MARK2: variants seen among roughly 807,000 people sequenced by gnomAD.
The protein encoded by MARK2 is serine/threonine-protein kinase MARK2.
A neutral mutation model predicts 89.8 loss-of-function variants in MARK2; 16 were observed. The ratio of observed to expected loss-of-function variants is 0.18; its 90% CI spans 0.12 to 0.27. The LOEUF (loss-of-function observed/expected upper bound fraction) is 0.27. Among genes scored for constraint, MARK2 ranks in the 10% least tolerant of loss-of-function variants. The pLI is 1.00. For missense variants in MARK2, 621 were observed against 1,049.9 expected (o/e 0.59, Z 5.65); for synonymous variants, 382 against 399.5 (o/e 0.96, Z 0.52).
chr11:63,865,316 G>T (rs1938068424), intron 1 of MARK2, among the ~76,000 whole-genome samples: 1 of 150,026 alleles, frequency 6.7e-6, no homozygotes, highest in Admixed American at 6.6e-5. Flanking sequence ...TCAGCTCACT[G>T]CAGCCTCGGC....
chr11:63,900,824 T>A lies in MARK2; in HGVS notation c.933T>A (p.Asp311Glu). The A allele has an allele frequency of 6.2e-7, 1 of 1,614,146 alleles. No individual in the cohort carries two copies. Among genetic ancestry groups the A allele is most frequent in the Non-Finnish European group, 8.5e-7 (1 of 1,180,022 alleles). The change falls in exon 10 of 19, where the codon GAT becomes GAA. Residue 311 changes from aspartate (D) to glutamate (E), a missense_variant. Physicochemically the swap from Asp to Glu is conservative, Grantham distance 45 (BLOSUM62 2). Coordinates refer to ENST00000402010, the MANE Select transcript of MARK2 (RefSeq NM_001039469.3). This position sits in a 1 kb window ranked among gnomAD's most constrained non-coding sequence, Gnocchi z 4.7. ...GGATGAATGTGGGTCACGAAGATGA[T>A]GAACTAAAGCCTTACGTGGAGCCAC... Reference protein sequence around the residue: ...DRWMNVGHEDDELKPYVEPLP... With the variant: ...DRWMNVGHEDEELKPYVEPLP...
chr11:63,890,965 C>T (rs1565128209), intron 1 of MARK2, among the ~76,000 whole-genome samples: 1 of 152,154 alleles, frequency 6.6e-6, no homozygotes, highest in Non-Finnish European at 1.5e-5. Context: ...GTATTGGCCA[C>T]TGGTCGTTTT....
intron 1 of MARK2, among the ~76,000 whole-genome samples, chr11:63,891,582 C>T (rs1939861952): frequency 6.6e-6 from 1 of 152,240 alleles, no homozygotes; most frequent in Admixed American, 6.5e-5. Flanking sequence ...TGCTAAATCC[C>T]TGGTCTGGAT....
intron 1 of MARK2, among the ~76,000 whole-genome samples, chr11:63,885,747 T>G (rs564227911): frequency 6.6e-6 from 1 of 151,454 alleles, no homozygotes; most frequent in African/African-American, 2.4e-5. Flanking sequence ...GGCAGGAGAA[T>G]CACTGGAACA....
At position 63,902,615 on chromosome 11, in the gene MARK2, A is replaced by T; in HGVS notation, c.1249A>T (p.Ile417Phe). The T allele has an allele frequency of 6.2e-7, 1 of 1,613,886 alleles. No homozygotes were observed. Among genetic ancestry groups the T allele is most frequent in the Non-Finnish European group, 8.5e-7 (1 of 1,179,862 alleles). ...RFSDQAAGPA[I>F]PTSNSYSKKT... ...CTCTGGCCCAGCAGCTGGTCCTGCC[A>T]TTCCCACCTCTAATTCTTACTCTAA... The change falls in exon 13 of 19, where the codon ATT (isoleucine) becomes TTT (phenylalanine). Residue 417 changes from isoleucine (I) to phenylalanine (F), a missense_variant. Physicochemically the swap from Ile to Phe is conservative, Grantham distance 21. Transcript: ENST00000402010. This position sits in a 1 kb window ranked among gnomAD's most constrained non-coding sequence, Gnocchi z 4.2.
chr11:63,875,924 C>G (rs1938724964), intron 1 of MARK2, among the ~76,000 whole-genome samples: 1 of 152,230 alleles, frequency 6.6e-6, no homozygotes, highest in Non-Finnish European at 1.5e-5. Context: ...CGCCCAGCTT[C>G]AGTAAGCACT....
rs932045060 is a variant in MARK2 at position 63,910,732 on chromosome 11, A to G, written c.*1495A>G. 3 of 149,424 alleles carry G rather than the reference A, an allele frequency of 2.0e-5. No homozygotes were observed. Among genetic ancestry groups the G allele is most frequent in the Non-Finnish European group, 4.4e-5 (3 of 67,678 alleles). The allele number at this position is 149,424 out of a possible 1,614,324, so 9.3% of individuals were successfully genotyped here. On this transcript the variant is annotated 3_prime_UTR_variant, in exon 19 of 19. Transcript: ENST00000402010. ...CAGGCCAGGCTCAGCGATTAAGCCG[A>G]GCCCTTGCGTCCTAGGAAGGGGCCT...
chr11:63,847,908 TG>T (rs1460890491), intron 1 of MARK2, among the ~76,000 whole-genome samples: 2 of 152,248 alleles, frequency 1.3e-5, no homozygotes, highest in African/African-American at 2.4e-5. Context: ...TGCTATGATC[TG>T]GCTGCTAAAT....
At position 63,839,241 on chromosome 11, in the gene MARK2, G is replaced by C. The variant is rs2015878488; in HGVS notation, c.-266G>C. 4.1e-6 allele frequency: 1 copy of C among 242,918 alleles called. No individual in the cohort carries two copies. Among genetic ancestry groups the C allele is most frequent in the African/African-American group, 2.3e-5 (1 of 43,632 alleles). The allele number at this position is 242,918 out of a possible 1,614,324, so 15.0% of individuals were successfully genotyped here. A position where few individuals can be genotyped will look rare whatever the true frequency, so the allele number is the denominator to read the frequency against. On this transcript the variant is annotated 5_prime_UTR_variant, in exon 1 of 19. Transcript: ENST00000402010. ...CGGCTGCGGCGGCAGAGAGTAGGCG[G>C]AGCGGCGCGGCCCGGCCGAAAGGCG...
rs372403951 is a variant in MARK2, at chr11:63,904,832, A to G, written c.1723A>G (p.Ile575Val). The G allele has an allele frequency of 1.9e-6, 3 of 1,613,838 alleles. No homozygotes were observed. Among genetic ancestry groups the G allele is most frequent in the Non-Finnish European group, 2.5e-6 (3 of 1,179,964 alleles). ...TGTTGCCTCCCCATCCGCCCACAAC[A>G]TCAGCAGCAGTGGTGGAGCCCCAGA... ...VPVASPSAHN[I>V]SSSGGAPDRT... Residue 575 changes from isoleucine to valine, a missense_variant, in exon 16 of 19, where the codon ATC becomes GTC. Ile to Val is a conservative substitution (Grantham distance 29). Transcript: ENST00000402010. This position sits in a 1 kb window ranked among gnomAD's most constrained non-coding sequence, Gnocchi z 6.3.
In MARK2 at chr11:63,903,937, GC is replaced by G; in HGVS notation, c.1515-46del. 6.6e-7 allele frequency: 1 copy of G among 1,509,454 alleles called. No individual in the cohort carries two copies. 93.5% of individuals were successfully genotyped at this position (1,509,454 alleles called of 1,614,324 possible). ...CCTTGCTTCCTAATCCAGGCCTCCC[GC>G]CCTCACTCACCCCTAACACGGGCCT... On this transcript the variant is annotated intron_variant, in intron 14 of 18. Transcript: ENST00000402010. The surrounding 1 kb of genome is among the most constrained non-coding windows in gnomAD (Gnocchi z 5.1).
intron 1 of MARK2, among the ~76,000 whole-genome samples, chr11:63,890,649 C>CT (rs1939771378): frequency 6.6e-6 from 1 of 152,242 alleles, no homozygotes; most frequent in South Asian, 2.1e-4. Flanking sequence ...CGTAGCATCT[C>CT]TTGTCAGCCT....
chr11:63,873,523 A>G lies in MARK2; in HGVS notation c.55-21636A>G, dbSNP rs573635718. The stretch of plus-strand genomic sequence containing the variant: ...GGGGCACCACTTTAGTCTTCTGCCA[A>G]CCTCCACAGCCAGCTGTGGGAAAAC... On this transcript the variant is annotated intron_variant, in intron 1 of 18. Coordinates refer to ENST00000402010, the MANE Select transcript of MARK2 (RefSeq NM_001039469.3). Among the ~76,000 whole-genome samples the G allele has an allele frequency of 2.6e-5, 4 of 152,148 alleles. No individual in the cohort carries two copies. In the South Asian group the frequency reaches 8.3e-4, roughly 32 times the overall value.
In MARK2 at chr11:63,889,001, T is replaced by G. The variant is rs1306700415; in HGVS notation, c.55-6158T>G. On this transcript the variant is annotated intron_variant, in intron 1 of 18. Coordinates refer to ENST00000402010, the MANE Select transcript of MARK2 (RefSeq NM_001039469.3). ...CCCTTTTTACTCTAGGATTGCCTCC[T>G]CCTCTTTCTTTCCTCTCATCTCAAA... 4 of 1,326,858 alleles carry G rather than the reference T, an allele frequency of 3.0e-6. No individual in the cohort carries two copies. In the African/African-American group the frequency reaches 4.5e-5, roughly 15 times the overall value. The allele number at this position is 1,326,858 out of a possible 1,614,324, so 82.2% of individuals were successfully genotyped here.
At chr11:63,851,126 A>G (rs1180427380) in intron 1 of MARK2, among the ~76,000 whole-genome samples, 1 of 152,206 alleles carries the variant, frequency 6.6e-6, no homozygotes, top group East Asian at 1.9e-4. Context: ...AAAGGGACAC[A>G]GGCATTTCTG....
intron 1 of MARK2, among the ~76,000 whole-genome samples, chr11:63,894,648 A>T (rs1161838491): frequency 6.6e-6 from 1 of 152,218 alleles, no homozygotes; most frequent in Non-Finnish European, 1.5e-5. Context: ...GTGAGCTGAG[A>T]TCGCACCATT....
chr11:63,898,645 C>T lies in MARK2; in HGVS notation c.375C>T (p.Leu125=). 6.2e-7 allele frequency: 1 copy of T among 1,614,156 alleles called. No individual in the cohort carries two copies. The highest frequency in any genetic ancestry group is 8.5e-7 in the Non-Finnish European group (1 of 1,179,972). Residue 125 remains leucine (L), a synonymous_variant, in exon 5 of 19, where the codon CTC becomes CTT. Coordinates refer to ENST00000402010, the MANE Select transcript of MARK2 (RefSeq NM_001039469.3). ...LFEVIETEKT[L]YLVMEYASGG... Reference sequence around the variant, plus strand: ...AAGTGATTGAGACTGAGAAAACGCTCTACCTTGTCATGGAGTACGCTAGTG... The same window carrying T: ...AAGTGATTGAGACTGAGAAAACGCTTTACCTTGTCATGGAGTACGCTAGTG...
intron 3 of MARK2, among the ~76,000 whole-genome samples, chr11:63,897,240 C>T (rs565248868): frequency 3.0e-4 from 46 of 152,330 alleles, no homozygotes; most frequent in Non-Finnish European, 6.0e-4. Context: ...CCCATTACTG[C>T]CCCAGAGGGT....
chr11:63,909,309 T>A lies in MARK2; in HGVS notation c.*72T>A. 7.0e-7 allele frequency: 1 copy of A among 1,432,516 alleles called. No homozygotes were observed. Among genetic ancestry groups the A allele is most frequent in the Non-Finnish European group, 9.3e-7 (1 of 1,078,814 alleles). The allele number at this position is 1,432,516 out of a possible 1,614,324, so 88.7% of individuals were successfully genotyped here. A position where few individuals can be genotyped will look rare whatever the true frequency, so the allele number is the denominator to read the frequency against. On this transcript the variant is annotated 3_prime_UTR_variant, in exon 19 of 19. Transcript: ENST00000402010. ...CTGCCGGCCGCTGCGCCGCCCCACC[T>A]GGGCGAGACTGCAGCGATGGATTGG...
Sources: allele counts gnomAD v4.1 joint callset (sites outside exome capture counted in the v4.1 genomes callset), GRCh38; gene constraint gnomAD v4.1.1; non-coding constraint Gnocchi (gnomAD v3.1); transcripts MANE v1.5; gene names NCBI Gene and HGNC (gene_info 2026-07-23, HGNC 2026-07-21).